The following RPS6KC1 variants were observed in gnomAD, a reference collection of about 807,000 sequenced individuals.
RPS6KC1 encodes the protein ribosomal protein S6 kinase C1, also known as inactive ribosomal protein S6 kinase delta-1.
In RPS6KC1, 54 loss-of-function variants were observed where a neutral mutation model predicts 103.8. That is an observed-to-expected ratio of 0.52 (90% CI 0.42 to 0.65). The LOEUF is 0.65. Among genes scored for constraint, RPS6KC1 ranks in the 30% least tolerant of loss-of-function variants. The probability of loss-of-function intolerance (pLI) is 0.00; values close to 1 mark genes in which losing one functional copy is unlikely to be tolerated. For missense variants in RPS6KC1, 1,151 were observed against 1,253.8 expected (o/e 0.92, Z 1.24); for synonymous variants, 439 against 438.7 (o/e 1.00, Z -0.01).
At chr1:213,051,600 T>C (rs2076953886) in intron 1 of RPS6KC1, 91 bp downstream of exon 1, 3 of 942,218 alleles carry the variant, frequency 3.2e-6, no homozygotes, top group East Asian at 2.7e-5. Context: ...TGACTCTGGC[T>C]CAGAGCCGAG....
chr1:213,808,537 C>T, the RPS6KC1 span, among the ~76,000 whole-genome samples: 1 of 152,352 alleles, frequency 6.6e-6, no homozygotes. Flanking sequence ...TCTCAGACTG[C>T]TGTGCTAGCA....
chr1:213,628,309 T>C, the RPS6KC1 span, among the ~76,000 whole-genome samples: 1 of 152,196 alleles, frequency 6.6e-6, no homozygotes, highest in Non-Finnish European at 1.5e-5. Flanking sequence ...AATTCTTCTC[T>C]CTTTTATTCT....
At chr1:213,856,213 T>C in the RPS6KC1 span, among the ~76,000 whole-genome samples, 2 of 152,124 alleles carry the variant, frequency 1.3e-5, no homozygotes, top group African/African-American at 2.4e-5. Context: ...GCTGAGAATA[T>C]GGTGGCTGGA....
chr1:213,425,615 G>T, the RPS6KC1 span, among the ~76,000 whole-genome samples: 1 of 152,106 alleles, frequency 6.6e-6, no homozygotes. Flanking sequence ...TGGAAAAACG[G>T]CAAGGCGCAC....
At chr1:213,693,140 T>C in the RPS6KC1 span, among the ~76,000 whole-genome samples, 1 of 152,204 alleles carries the variant, frequency 6.6e-6, no homozygotes, top group Non-Finnish European at 1.5e-5. Context: ...CCCTTCCCTC[T>C]TGCCTTCCTT....
At chr1:213,345,113 C>T in the RPS6KC1 span, among the ~76,000 whole-genome samples, 4 of 152,102 alleles carry the variant, frequency 2.6e-5, no homozygotes, top group Non-Finnish European at 5.9e-5. Context: ...TAATATTTGC[C>T]TCAACTTAAT....
chr1:213,521,950 A>G, the RPS6KC1 span, among the ~76,000 whole-genome samples: 1 of 152,216 alleles, frequency 6.6e-6, no homozygotes, highest in Non-Finnish European at 1.5e-5. Flanking sequence ...TAACATTGAT[A>G]TTTTGACCTC....
the RPS6KC1 span, among the ~76,000 whole-genome samples, chr1:213,604,713 C>T: frequency 7.2e-5 from 11 of 152,296 alleles, no homozygotes; most frequent in South Asian, 2.1e-3. Context: ...AGCCCTGGGG[C>T]GACCATCTGC....
At chr1:213,572,300 A>G in the RPS6KC1 span, among the ~76,000 whole-genome samples, 2 of 152,356 alleles carry the variant, frequency 1.3e-5, no homozygotes, top group East Asian at 1.9e-4. Context: ...TGTGTTCCCA[A>G]TGCAGGAGGA....
At chr1:213,524,320 GC>G in the RPS6KC1 span, among the ~76,000 whole-genome samples, 1 of 151,826 alleles carries the variant, frequency 6.6e-6, no homozygotes, top group African/African-American at 2.4e-5. Context: ...TCTTACCCCA[GC>G]CCAGGCAGCT....
At chr1:213,609,832 G>C in the RPS6KC1 span, among the ~76,000 whole-genome samples, 1 of 150,168 alleles carries the variant, frequency 6.7e-6, no homozygotes, top group African/African-American at 2.4e-5. Context: ...TACAAGGATG[G>C]ATCCATGTCT....
the RPS6KC1 span, among the ~76,000 whole-genome samples, chr1:213,856,561 T>A: frequency 6.6e-6 from 1 of 150,632 alleles, no homozygotes; most frequent in Non-Finnish European, 1.5e-5. Context: ...TTCTTTCCTT[T>A]ATTTTATGGC....
chr1:213,684,888 A>T, the RPS6KC1 span, among the ~76,000 whole-genome samples: 1 of 152,228 alleles, frequency 6.6e-6, no homozygotes, highest in Admixed American at 6.5e-5. Context: ...AAGAGGATGC[A>T]AGGGAGCTGA....
At chr1:213,073,389 C>G (rs1251203911) in intron 2 of RPS6KC1, among the ~76,000 whole-genome samples, 1 of 152,204 alleles carries the variant, frequency 6.6e-6, no homozygotes, top group Non-Finnish European at 1.5e-5. Flanking sequence ...GCCACCACAT[C>G]AGTGTTTTCT....
the RPS6KC1 span, chr1:213,821,092 C>A: frequency 6.6e-6 from 1 of 152,228 alleles, no homozygotes; most frequent in Non-Finnish European, 1.5e-5. Flanking sequence ...GAGGCAGACA[C>A]GGGTCAGTCC....
the RPS6KC1 span, among the ~76,000 whole-genome samples, chr1:213,343,400 T>TAC: frequency 2.6e-4 from 3 of 11,394 alleles, no homozygotes; most frequent in Admixed American, 3.1e-3. Flanking sequence ...TGTATATATA[T>TAC]ATATATATAT....
At chr1:213,768,635 C>T in the RPS6KC1 span, among the ~76,000 whole-genome samples, 1 of 152,254 alleles carries the variant, frequency 6.6e-6, no homozygotes, top group East Asian at 1.9e-4. Context: ...GGAATGGCAC[C>T]CCCAACTCTG....
chr1:213,089,553 C>G (rs915433568), intron 3 of RPS6KC1, among the ~76,000 whole-genome samples: 15 of 152,048 alleles, frequency 9.9e-5, no homozygotes, highest in African/African-American at 3.6e-4. Flanking sequence ...CCTCCGCCTC[C>G]CAGGTTCAAG....
the RPS6KC1 span, among the ~76,000 whole-genome samples, chr1:213,526,178 G>A: frequency 5.3e-5 from 8 of 152,288 alleles, no homozygotes; most frequent in South Asian, 1.2e-3. Flanking sequence ...GCAGGTAGAT[G>A]TAAACGTGTG....
Sources: allele counts gnomAD v4.1 joint callset (sites outside exome capture counted in the v4.1 genomes callset), GRCh38; gene constraint gnomAD v4.1.1; transcripts MANE v1.5; gene names NCBI Gene and HGNC (gene_info 2026-07-23, HGNC 2026-07-21).